Variants in GLB1L2 observed in about 807,000 individuals in gnomAD.
GLB1L2 encodes the protein beta-galactosidase-1-like protein 2.
GLB1L2 carries 68 observed loss-of-function variants against 84.1 expected under a neutral mutation model. The observed-to-expected ratio is 0.81, with a 90% CI of 0.67 to 0.99. The LOEUF is 0.99. Ranked by LOEUF, GLB1L2 falls within the 50% of genes least tolerant of loss-of-function variation. The pLI is 0.00. For missense variants in GLB1L2, 762 were observed against 805.6 expected (o/e 0.95, Z 0.66); for synonymous variants, 290 against 318.0 (o/e 0.91, Z 0.94).
At chr11:134,351,895 A>T (rs1339004285) in intron 5 of GLB1L2, among the ~76,000 whole-genome samples, 1 of 152,172 alleles carries the variant, frequency 6.6e-6, no homozygotes, top group Non-Finnish European at 1.5e-5. Context: ...CTCAAAAATG[A>T]GGGAAAAATT....
chr11:134,342,118 G>T (rs529349713), intron 1 of GLB1L2, among the ~76,000 whole-genome samples: 109 of 152,302 alleles, frequency 7.2e-4, no homozygotes, highest in African/African-American at 2.6e-3. Context: ...GAGTCACTGG[G>T]ACCCGGCTGA....
At position 134,375,406 on chromosome 11, in the gene GLB1L2, G is replaced by A; in HGVS notation, c.*348G>A. The A allele has an allele frequency of 4.2e-6, 1 of 239,212 alleles. No individual in the cohort carries two copies. Among genetic ancestry groups the A allele is most frequent in the South Asian group, 7.6e-5 (1 of 13,080 alleles). The allele number at this position is 239,212 out of a possible 1,614,324, so 14.8% of individuals were successfully genotyped here. Reference sequence around the variant, plus strand: ...CCCTTGCACTGGACGTCACAGCCCTGCGAGCATCTGCTGGACTCAGGCGTG... The same window carrying A: ...CCCTTGCACTGGACGTCACAGCCCTACGAGCATCTGCTGGACTCAGGCGTG... On this transcript the variant is annotated 3_prime_UTR_variant, in exon 19 of 19. Coordinates refer to ENST00000535456, the MANE Select transcript of GLB1L2 (RefSeq NM_001370461.1).
At chr11:134,351,313 C>T (rs79268578) in intron 5 of GLB1L2, among the ~76,000 whole-genome samples, 6,408 of 149,116 alleles carry the variant, frequency 0.043, 484 homozygotes, top group East Asian at 0.32. Context: ...TTTGTTAATG[C>T]GGTATATTAC....
At chr11:134,359,409 G>A (rs1442285889) in intron 7 of GLB1L2, 2 of 323,484 alleles carry the variant, frequency 6.2e-6, no homozygotes, top group Non-Finnish European at 1.1e-5. Context: ...ACTGCTTCAC[G>A]TGCGGGCTTC....
intron 1 of GLB1L2, among the ~76,000 whole-genome samples, chr11:134,342,132 G>A (rs944113674): frequency 7.2e-5 from 11 of 152,238 alleles, no homozygotes; most frequent in African/African-American, 2.4e-4. Context: ...CGGCTGAGGG[G>A]CTCCCTGGGG....
chr11:134,355,915 T>C (rs914487756), intron 5 of GLB1L2: 3 of 433,876 alleles, frequency 6.9e-6, no homozygotes, highest in African/African-American at 4.1e-5. Context: ...TTCTTCCCCA[T>C]GAGGGAGCGG....
At position 134,371,764 on chromosome 11, in the gene GLB1L2, C is replaced by T. The variant is rs779410576; in HGVS notation, c.1441C>T (p.Leu481=). 3.1e-6 allele frequency: 5 copies of T among 1,614,030 alleles called. No homozygotes were observed. Among genetic ancestry groups the T allele is most frequent in the Admixed American group, 1.7e-5 (1 of 60,004 alleles). The change falls in exon 15 of 19, where the codon CTG becomes TTG. Residue 481 remains leucine, a synonymous_variant. Coordinates refer to ENST00000535456, the MANE Select transcript of GLB1L2 (RefSeq NM_001370461.1). ...AVPLIQGYTV[L]RILVENRGRV... is the part of the protein sequence containing the mutation. Reference sequence around the variant, plus strand: ...GTGTTCCCGGCAGGGTTACACCGTGCTGAGGATCTTGGTGGAGAATCGTGG... The same window carrying T: ...GTGTTCCCGGCAGGGTTACACCGTGTTGAGGATCTTGGTGGAGAATCGTGG...
chr11:134,371,056 G>T lies in GLB1L2; in HGVS notation c.1264G>T (p.Gly422Trp), dbSNP rs957125022. ...CAACATGGAGAACCTGCCAGTCAAT[G>T]GGGGAAATGGACAGTCCTTCGGGTA... ...PINMENLPVNGGNGQSFGYIL... is the reference protein window; with the variant it reads ...PINMENLPVNWGNGQSFGYIL... Residue 422 changes from glycine (G) to tryptophan (W), a missense_variant, in exon 13 of 19, where the codon GGG becomes TGG. Physicochemically the swap from Gly to Trp is radical, Grantham distance 184. Coordinates refer to ENST00000535456, the MANE Select transcript of GLB1L2 (RefSeq NM_001370461.1). The T allele has an allele frequency of 2.5e-6, 4 of 1,614,072 alleles. No individual in the cohort carries two copies. Among genetic ancestry groups the T allele is most frequent in the Middle Eastern group, 1.6e-4 (1 of 6,084 alleles).
intron 7 of GLB1L2, chr11:134,361,683 C>G (rs1943791916): frequency 6.6e-6 from 1 of 152,494 alleles, no homozygotes; most frequent in South Asian, 2.1e-4. Context: ...GGTCCTGTGC[C>G]TGTCCGGTTC....
chr11:134,350,552 C>A (rs866502875), intron 5 of GLB1L2, among the ~76,000 whole-genome samples: 1 of 152,154 alleles, frequency 6.6e-6, no homozygotes, highest in African/African-American at 2.4e-5. Flanking sequence ...TGCCTTAATG[C>A]GTCTTTTGGT....
intron 5 of GLB1L2, among the ~76,000 whole-genome samples, chr11:134,347,800 G>T: frequency 6.6e-6 from 1 of 152,166 alleles, no homozygotes; most frequent in Non-Finnish European, 1.5e-5. Flanking sequence ...CTATCTACCA[G>T]TGTCCCAGTA....
intron 17 of GLB1L2, 73 bp downstream of exon 17, chr11:134,374,329 C>A: frequency 8.2e-7 from 1 of 1,222,880 alleles, no homozygotes; most frequent in Non-Finnish European, 1.2e-6. Context: ...GCCAAAGCCA[C>A]GAGCTTGGCG....
At chr11:134,365,266 C>T (rs1037708288) in intron 8 of GLB1L2, among the ~76,000 whole-genome samples, 5 of 152,198 alleles carry the variant, frequency 3.3e-5, no homozygotes, top group African/African-American at 4.8e-5. Flanking sequence ...CCAGAGTAGG[C>T]GAGGAGGCTC....
chr11:134,368,856 T>A lies in GLB1L2; in HGVS notation c.1027+75T>A. 3 of 1,525,510 alleles carry A rather than the reference T, an allele frequency of 2.0e-6. No individual in the cohort carries two copies. In the South Asian group the frequency reaches 3.5e-5, roughly 18 times the overall value. The allele number at this position is 1,525,510 out of a possible 1,614,324, so 94.5% of individuals were successfully genotyped here. ...GCTGGGACTTGCTATGGAGAGGCCC[T>A]CAGGGTCAACTTCTGGCACCTTCGT... On this transcript the variant is annotated intron_variant, in intron 10 of 18. Coordinates refer to ENST00000535456, the MANE Select transcript of GLB1L2 (RefSeq NM_001370461.1).
At chr11:134,336,164 GT>G (rs1398960025) in intron 1 of GLB1L2, among the ~76,000 whole-genome samples, 1 of 152,180 alleles carries the variant, frequency 6.6e-6, no homozygotes, top group Non-Finnish European at 1.5e-5. Flanking sequence ...CACAGCTTCT[GT>G]TCTTTGACAC....
intron 2 of GLB1L2, among the ~76,000 whole-genome samples, chr11:134,343,205 G>C (rs3802927): frequency 6.6e-6 from 1 of 152,308 alleles, no homozygotes; most frequent in Admixed American, 6.5e-5. Flanking sequence ...TGCAGATTGA[G>C]GAGGTGATTC....
rs573713553 is a variant in GLB1L2, at chr11:134,373,958, C to T, written c.1595+150C>T. Reference sequence around the variant, plus strand: ...CGGCTGGCCGAGGTGAGGGGTGGCACCCGCACTAGAAGCCGCATTTGCAGA... The same window carrying T: ...CGGCTGGCCGAGGTGAGGGGTGGCATCCGCACTAGAAGCCGCATTTGCAGA... On this transcript the variant is annotated intron_variant, in intron 16 of 18. Coordinates refer to ENST00000535456, the MANE Select transcript of GLB1L2 (RefSeq NM_001370461.1). The T allele has an allele frequency of 6.3e-4, 470 of 745,250 alleles. No homozygotes were observed. In the African/African-American group the frequency reaches 7.3e-3, roughly 12 times the overall value. 46.2% of individuals were successfully genotyped at this position (745,250 alleles called of 1,614,324 possible).
intron 2 of GLB1L2, among the ~76,000 whole-genome samples, chr11:134,343,751 CG>C (rs1468510100): frequency 1.3e-5 from 2 of 152,312 alleles, no homozygotes; most frequent in Admixed American, 1.3e-4. Context: ...GAAGCAGCAC[CG>C]ACGACACTTG....
Position 134,343,724 on chromosome 11 carries a change from C to T in GLB1L2, c.285-663C>T, listed in dbSNP as rs547537130. Among the ~76,000 whole-genome samples the T allele has an allele frequency of 1.2e-3, 190 of 152,314 alleles. 1 individual carries two copies. The highest frequency in any genetic ancestry group is 4.4e-3 in the African/African-American group (182 of 41,572). ...GAAGGCTGTGGGAGTGCTGCAGGCT[C>T]AGCACTCTGACTCGCAGAAGCAGCA... is the stretch of plus-strand genomic sequence containing the variant. On this transcript the variant is annotated intron_variant, in intron 2 of 18. Coordinates refer to ENST00000535456, the MANE Select transcript of GLB1L2 (RefSeq NM_001370461.1).
Sources: gnomAD v4.1 joint callset for allele counts (sites outside exome capture counted in the v4.1 genomes callset) on GRCh38, gnomAD v4.1.1 for gene constraint, MANE v1.5 for transcripts, NCBI Gene and HGNC (gene_info 2026-07-23, HGNC 2026-07-21) for gene names.